Variants in ERBB4 observed in about 807,000 individuals in gnomAD.
ERBB4 encodes receptor tyrosine-protein kinase erbB-4.
ERBB4 carries 42 observed loss-of-function variants against 158.0 expected under a neutral mutation model. That is an observed-to-expected ratio of 0.27 (90% CI 0.21 to 0.34). The LOEUF is 0.34. ERBB4 is among the 10% of genes least tolerant of loss of function. ERBB4 has a pLI of 1.00. For synonymous variants in ERBB4, 583 were observed against 558.7 expected, an observed-to-expected ratio of 1.04 and a Z score of -0.61; for missense variants, 1,333 against 1,624.1, an observed-to-expected ratio of 0.82 and a Z score of 3.08.
chr2:212,019,498 C>T (rs1289627093), intron 2 of ERBB4, among the ~76,000 whole-genome samples: 1 of 152,024 alleles, frequency 6.6e-6, no homozygotes. Flanking sequence ...CACGGTGGCT[C>T]TCACCTGTAA....
rs188386799 is a variant in ERBB4, at chr2:211,428,927, G to A, written c.2644-444C>T. On this transcript the variant is annotated intron_variant, in intron 21 of 27. Transcript: ENST00000342788. The stretch of plus-strand genomic sequence containing the variant: ...GATGATCATCATGTTGCCCAGGCTA[G>A]CCTAGAACTCCTGAGCTCAAGTGAT... 2.6e-5 allele frequency among the ~76,000 whole-genome samples: 4 copies of A among 151,958 alleles called. No homozygotes were observed. The East Asian group carries it at 7.8e-4, about 30-fold the overall frequency.
rs994584039 is a variant in ERBB4 at position 211,428,582 on chromosome 2, T to C, written c.2644-99A>G. The C allele has an allele frequency of 3.7e-5, 25 of 675,284 alleles. No individual in the cohort carries two copies. In the South Asian group the frequency reaches 4.1e-4, roughly 11 times the overall value. 41.8% of individuals were successfully genotyped at this position (675,284 alleles called of 1,614,324 possible). On this transcript the variant is annotated intron_variant, in intron 21 of 27. Transcript: ENST00000342788. The stretch of plus-strand genomic sequence containing the variant: ...AGTCTTTGGGCTGGCCTTAATCATA[T>C]TTTTTTATTATGTGTGTATAGATAT...
chr2:211,414,493 T>A (rs1574443241), intron 25 of ERBB4, among the ~76,000 whole-genome samples: 2 of 69,156 alleles, frequency 2.9e-5, no homozygotes, highest in African/African-American at 6.1e-5. Flanking sequence ...CAAGACACAG[T>A]CTCAATTAAA....
chr2:211,399,761 T>C (rs2125350235), intron 25 of ERBB4, among the ~76,000 whole-genome samples: 1 of 152,280 alleles, frequency 6.6e-6, no homozygotes, highest in South Asian at 2.1e-4. Context: ...CTAAGACACC[T>C]AGGTATTTCC....
chr2:212,083,924 GA>G lies in ERBB4; in HGVS notation c.234+40827del, dbSNP rs35084075. On this transcript the variant is annotated intron_variant, in intron 2 of 27. Transcript: ENST00000342788. ...TTTTCTCCATATGGATTGTTCACAG[GA>G]AAAAAAAAAAAAAGATCCACTACAA... Among the ~76,000 whole-genome samples the G allele has an allele frequency of 1.8e-3, 258 of 143,762 alleles. 1 individual carries two copies. The highest frequency in any genetic ancestry group is 5.7e-3 in the African/African-American group (225 of 39,494). 94.3% of individuals were successfully genotyped at this position (143,762 alleles called of 152,430 possible). A position where few individuals can be genotyped will look rare whatever the true frequency, so the allele number is the denominator to read the frequency against.
At chr2:211,463,972 T>A (rs1409276893) in intron 20 of ERBB4, among the ~76,000 whole-genome samples, 1 of 152,138 alleles carries the variant, frequency 6.6e-6, no homozygotes, top group Non-Finnish European at 1.5e-5. Context: ...TTGCATTTGT[T>A]CTTCCTTCTG....
intron 1 of ERBB4, among the ~76,000 whole-genome samples, chr2:212,284,444 A>G (rs566630230): frequency 6.6e-6 from 1 of 152,198 alleles, no homozygotes; most frequent in East Asian, 1.9e-4. Flanking sequence ...ATTTTGTTTG[A>G]GTGAATGTAA....
At chr2:211,974,933 T>A (rs867276708) in intron 2 of ERBB4, among the ~76,000 whole-genome samples, 2 of 152,138 alleles carry the variant, frequency 1.3e-5, no homozygotes, top group Non-Finnish European at 2.9e-5. Context: ...ATTTAATTTT[T>A]AAAAAATATT....
At chr2:212,151,702 A>T (rs1166050277) in intron 1 of ERBB4, among the ~76,000 whole-genome samples, 2 of 152,058 alleles carry the variant, frequency 1.3e-5, no homozygotes, top group African/African-American at 4.8e-5. Context: ...CAGCCTGGAC[A>T]ACATGGAGAA....
chr2:212,382,457 C>A (rs1276625323), intron 1 of ERBB4, among the ~76,000 whole-genome samples: 4 of 150,434 alleles, frequency 2.7e-5, no homozygotes, highest in African/African-American at 4.9e-5. Context: ...TAGTATACAA[C>A]TGCATATATA....
intron 3 of ERBB4, among the ~76,000 whole-genome samples, chr2:211,914,049 CAA>C (rs74891191): frequency 0.19 from 17,464 of 93,236 alleles, 987 homozygotes; most frequent in East Asian, 0.37. Context: ...CTTGGAATGA[CAA>C]AAAAAAAAAA....
chr2:211,414,032 C>G (rs759203106), intron 25 of ERBB4, among the ~76,000 whole-genome samples: 3 of 151,984 alleles, frequency 2.0e-5, no homozygotes, highest in Non-Finnish European at 2.9e-5. Flanking sequence ...GGCAAGCACC[C>G]CATGCAGGCT....
intron 1 of ERBB4, among the ~76,000 whole-genome samples, chr2:212,475,831 C>T (rs965346682): frequency 4.0e-5 from 6 of 151,832 alleles, no homozygotes; most frequent in African/African-American, 1.4e-4. Flanking sequence ...ATTCTATATC[C>T]TAAACAGTTT....
intron 19 of ERBB4, among the ~76,000 whole-genome samples, chr2:211,583,853 C>T (rs7586137): frequency 0.74 from 111,129 of 150,796 alleles, 42,867 homozygotes; most frequent in East Asian, 0.86. Flanking sequence ...TATTCTTCAA[C>T]GTTCCCCGGA....
chr2:212,192,015 TTATATGTTATATATGTTATATGTTA>T (rs2082270465), intron 1 of ERBB4, among the ~76,000 whole-genome samples: 4 of 43,368 alleles, frequency 9.2e-5, no homozygotes, highest in Non-Finnish European at 2.0e-4. Flanking sequence ...ATAATATATG[TTATATGTTATATATGTTATATGTTA>T]TATATATGTT....
intron 2 of ERBB4, among the ~76,000 whole-genome samples, chr2:211,965,828 A>G (rs984006838): frequency 6.6e-6 from 1 of 152,216 alleles, no homozygotes; most frequent in African/African-American, 2.4e-5. Flanking sequence ...TTTATATATG[A>G]AAGCCATAAA....
intron 20 of ERBB4, among the ~76,000 whole-genome samples, chr2:211,485,809 A>G (rs1480711944): frequency 2.0e-5 from 3 of 152,046 alleles, no homozygotes; most frequent in African/African-American, 7.2e-5. Context: ...ATACATATGT[A>G]ACTAACCTGC....
intron 3 of ERBB4, among the ~76,000 whole-genome samples, chr2:211,910,087 T>G (rs569627383): frequency 2.0e-5 from 3 of 151,212 alleles, no homozygotes; most frequent in Admixed American, 6.6e-5. Context: ...GGCCAGCTAA[T>G]TTTCGTATTT....
At chr2:212,191,085 T>C (rs2082174561) in intron 1 of ERBB4, among the ~76,000 whole-genome samples, 1 of 152,026 alleles carries the variant, frequency 6.6e-6, no homozygotes, top group Non-Finnish European at 1.5e-5. Flanking sequence ...CCAAGTTTAA[T>C]AGCAAGTATA....
Sources: allele counts gnomAD v4.1 joint callset (sites outside exome capture counted in the v4.1 genomes callset), GRCh38; gene constraint gnomAD v4.1.1; transcripts MANE v1.5; gene names NCBI Gene and HGNC (gene_info 2026-07-23, HGNC 2026-07-21).